Variants in SOX6 observed in about 807,000 individuals in gnomAD.
SOX6 encodes transcription factor SOX-6.
A neutral mutation model predicts 97.8 loss-of-function variants in SOX6; 11 were observed. That is an observed-to-expected ratio of 0.11 (90% CI 0.07 to 0.19). The LOEUF (loss-of-function observed/expected upper bound fraction) is 0.19. SOX6 is among the 10% of genes least tolerant of loss of function. The probability of loss-of-function intolerance (pLI) is 1.00; values close to 1 mark genes in which losing one functional copy is unlikely to be tolerated. For missense variants in SOX6, 810 were observed against 1,039.5 expected (o/e 0.78, Z 3.04); for synonymous variants, 360 against 371.4 (o/e 0.97, Z 0.35).
chr11:16,734,467 C>G (rs959562908), intron 2 of SOX6, among the ~76,000 whole-genome samples: 3 of 152,200 alleles, frequency 2.0e-5, no homozygotes, highest in Admixed American at 1.3e-4. Flanking sequence ...CTTCTAACCT[C>G]AGGCTCTTCT....
At chr11:16,024,898 T>A (rs996275907) in intron 12 of SOX6, among the ~76,000 whole-genome samples, 8 of 151,970 alleles carry the variant, frequency 5.3e-5, no homozygotes, top group Non-Finnish European at 1.2e-4. Flanking sequence ...AATAAGCGAG[T>A]TCTGTCTCCA....
At chr11:16,150,382 C>G (rs1339171773) in intron 6 of SOX6, among the ~76,000 whole-genome samples, 3 of 152,188 alleles carry the variant, frequency 2.0e-5, no homozygotes, top group African/African-American at 7.2e-5. Flanking sequence ...CATGAGACTA[C>G]TTCACAGAAG....
chr11:16,083,224 A>T (rs1343265750), intron 9 of SOX6, among the ~76,000 whole-genome samples: 1 of 152,192 alleles, frequency 6.6e-6, no homozygotes, highest in African/African-American at 2.4e-5. Flanking sequence ...TGGGCCCTTC[A>T]GGGGCAAGAG....
At chr11:16,326,560 T>C (rs908695429) in intron 2 of SOX6, among the ~76,000 whole-genome samples, 5 of 152,172 alleles carry the variant, frequency 3.3e-5, no homozygotes, top group African/African-American at 1.2e-4. Context: ...ACAATGCCAA[T>C]GATGACTACC....
chr11:16,072,574 T>G (rs1277549801), intron 9 of SOX6, among the ~76,000 whole-genome samples: 3 of 152,022 alleles, frequency 2.0e-5, no homozygotes, highest in Non-Finnish European at 4.4e-5. Context: ...TTGGCCAAAA[T>G]TCGAATCCAG....
At chr11:16,646,886 C>T (rs1849022391) in intron 3 of SOX6, among the ~76,000 whole-genome samples, 1 of 152,138 alleles carries the variant, frequency 6.6e-6, no homozygotes, top group Non-Finnish European at 1.5e-5. Flanking sequence ...ACTTATTTTT[C>T]TCTGGGCAGA....
At chr11:16,356,855 A>G (rs1412014291), upstream of SOX6, among the ~76,000 whole-genome samples, 1 of 152,144 alleles carries the variant, frequency 6.6e-6, no homozygotes, top group Non-Finnish European at 1.5e-5. Context: ...TCCCCATTAA[A>G]AAAGCCTGCT....
rs1590194290 is a variant in SOX6, at chr11:16,097,609, C to A, written c.978G>T (p.Gln326His). 3.7e-6 allele frequency: 6 copies of A among 1,610,886 alleles called. No individual in the cohort carries two copies. The highest frequency in any genetic ancestry group is 1.1e-5 in the South Asian group (1 of 91,036). ...AASGLSPLQL[Q>H]KGHVSHPQIN... ...CACATTTTTTTCTTCTGGCACTTAC[C>A]TGGAGCTGTAAAGGGCTGAGTCCAG... The change falls in exon 8 of 16, where the codon CAG becomes CAT. Residue 326 changes from glutamine to histidine, a missense_variant and splice_region_variant. Transcript: ENST00000683767.
chr11:16,037,616 T>C (rs1197223428), intron 12 of SOX6, among the ~76,000 whole-genome samples: 1 of 152,172 alleles, frequency 6.6e-6, no homozygotes, highest in African/African-American at 2.4e-5. Context: ...CTAAGTGTTA[T>C]TAATCACAGA....
chr11:16,249,356 C>G (rs1235464216), intron 3 of SOX6, among the ~76,000 whole-genome samples: 1 of 152,188 alleles, frequency 6.6e-6, no homozygotes, highest in East Asian at 1.9e-4. Flanking sequence ...TGCTGCCAGT[C>G]TCTTTGTAAT....
chr11:16,609,291 G>A lies in SOX6; in HGVS notation n.609+2790C>T, dbSNP rs191573791. On this transcript the variant is annotated intron_variant and non_coding_transcript_variant, in intron 4 of 5. Transcript: ENST00000524520. ...AAATAGACTAGATTTGAGAAACTGA[G>A]GTCAGTGGAAAGTCAAAACTACATC... Among the ~76,000 whole-genome samples, 11 of 152,292 alleles carry A rather than the reference G, an allele frequency of 7.2e-5. No individual in the cohort carries two copies. In the East Asian group the frequency reaches 2.1e-3, roughly 29 times the overall value.
At chr11:16,362,877 C>A (rs1857245310) in intron 1 of SOX6, among the ~76,000 whole-genome samples, 1 of 152,142 alleles carries the variant, frequency 6.6e-6, no homozygotes, top group African/African-American at 2.4e-5. Context: ...GCAGAGGCAG[C>A]CACTGTGAAA....
At chr11:16,139,951 T>TTATATATATATATATA (rs149983908) in intron 6 of SOX6, among the ~76,000 whole-genome samples, 3 of 124,716 alleles carry the variant, frequency 2.4e-5, no homozygotes, top group African/African-American at 1.0e-4. Context: ...GGCTCATATA[T>TTATATATATATATATA]TATATATATA....
intron 1 of SOX6, among the ~76,000 whole-genome samples, chr11:16,427,097 T>C (rs1415877274): frequency 2.0e-5 from 3 of 151,848 alleles, no homozygotes; most frequent in Non-Finnish European, 4.4e-5. Flanking sequence ...CCAGAAGCAA[T>C]TGCAACAAAA....
chr11:16,734,608 T>C (rs951583624), intron 2 of SOX6, among the ~76,000 whole-genome samples: 1 of 152,216 alleles, frequency 6.6e-6, no homozygotes, highest in African/African-American at 2.4e-5. Context: ...TCTAAGTTTA[T>C]TGCTCTCTCC....
chr11:16,185,314 T>C (rs1251418960), intron 5 of SOX6, among the ~76,000 whole-genome samples: 1 of 152,172 alleles, frequency 6.6e-6, no homozygotes, highest in Non-Finnish European at 1.5e-5. Context: ...AAATCAGAAA[T>C]GTACAACTCA....
intron 4 of SOX6, among the ~76,000 whole-genome samples, chr11:16,222,322 C>T (rs1182299491): frequency 1.3e-5 from 2 of 152,092 alleles, no homozygotes; most frequent in Non-Finnish European, 2.9e-5. Flanking sequence ...AAACGATCTG[C>T]CTGCCTCAGC....
upstream of SOX6, among the ~76,000 whole-genome samples, chr11:16,357,077 G>T (rs1467258437): frequency 6.6e-6 from 1 of 151,866 alleles, no homozygotes; most frequent in East Asian, 1.9e-4. Context: ...ATGAAAGGAA[G>T]AAGCCATTCT....
intron 6 of SOX6, among the ~76,000 whole-genome samples, chr11:16,130,084 A>T (rs563638330): frequency 3.3e-5 from 5 of 152,220 alleles, no homozygotes; most frequent in Non-Finnish European, 7.4e-5. Flanking sequence ...GGCCAGAACT[A>T]ATAGTAAATT....
Sources: gnomAD v4.1 joint callset for allele counts (sites outside exome capture counted in the v4.1 genomes callset) on GRCh38, gnomAD v4.1.1 for gene constraint, MANE v1.5 for transcripts, NCBI Gene and HGNC (gene_info 2026-07-23, HGNC 2026-07-21) for gene names.